Variants in DAB1 observed in about 807,000 individuals in gnomAD.
DAB1 encodes disabled homolog 1.
DAB1 carries 15 observed loss-of-function variants against 64.6 expected under a neutral mutation model. That is an observed-to-expected ratio of 0.23 (90% CI 0.16 to 0.36). DAB1 has a LOEUF of 0.36. DAB1 is among the 10% of genes least tolerant of loss of function. The pLI, the probability that DAB1 is intolerant of heterozygous loss-of-function variation, is 1.00. For synonymous variants in DAB1, 235 were observed against 251.9 expected (o/e 0.93, Z 0.64); for missense variants, 596 against 706.7 (o/e 0.84, Z 1.78).
At chr1:57,727,969 A>G (rs995439428) in intron 6 of DAB1, among the ~76,000 whole-genome samples, 1 of 152,080 alleles carries the variant, frequency 6.6e-6, no homozygotes, top group Non-Finnish European at 1.5e-5. Flanking sequence ...ATGTAGGAGG[A>G]AGAAAGTGGG....
At chr1:58,541,285 C>A (rs1237837642) in intron 1 of DAB1, among the ~76,000 whole-genome samples, 4 of 59,430 alleles carry the variant, frequency 6.7e-5, no homozygotes, top group African/African-American at 2.6e-4. Context: ...CAGAGTGAGA[C>A]TCTGTCTCAA....
intron 7 of DAB1, among the ~76,000 whole-genome samples, chr1:57,454,179 A>G (rs908801173): frequency 3.9e-5 from 6 of 152,040 alleles, no homozygotes; most frequent in African/African-American, 1.2e-4. Context: ...TTCTCATTTT[A>G]TACTCACAGA....
intron 4 of DAB1, among the ~76,000 whole-genome samples, chr1:58,306,999 C>T (rs1379410938): frequency 6.6e-6 from 1 of 152,218 alleles, no homozygotes; most frequent in African/African-American, 2.4e-5. Flanking sequence ...TTTCAAAGAA[C>T]TCCAATGACT....
intron 6 of DAB1, among the ~76,000 whole-genome samples, chr1:57,702,458 T>G (rs1646918016): frequency 1.3e-5 from 2 of 152,208 alleles, no homozygotes; most frequent in African/African-American, 4.8e-5. Flanking sequence ...TTTCTAGTCC[T>G]GCTCCAACTT....
chr1:57,095,178 G>T (rs1389241518), intron 4 of DAB1, among the ~76,000 whole-genome samples: 1 of 152,162 alleles, frequency 6.6e-6, no homozygotes, highest in Admixed American at 6.6e-5. Flanking sequence ...CACAGGACAG[G>T]ATTCCATCTG....
At chr1:57,382,122 A>C (rs1232610463) in intron 1 of DAB1, among the ~76,000 whole-genome samples, 1 of 152,052 alleles carries the variant, frequency 6.6e-6, no homozygotes, top group Non-Finnish European at 1.5e-5. Flanking sequence ...CAGTTGAGAG[A>C]CTCACCTTAT....
At chr1:57,251,016 G>A (rs1339317578) in intron 2 of DAB1, among the ~76,000 whole-genome samples, 2 of 152,206 alleles carry the variant, frequency 1.3e-5, no homozygotes, top group African/African-American at 4.8e-5. Flanking sequence ...GGAGGTGTAT[G>A]TGGGAAAGCA....
intron 1 of DAB1, among the ~76,000 whole-genome samples, chr1:58,543,335 G>A (rs577041873): frequency 6.6e-6 from 1 of 152,286 alleles, no homozygotes; most frequent in South Asian, 2.1e-4. Context: ...ACTTTGCAAA[G>A]CCAAATTTAC....
intron 1 of DAB1, among the ~76,000 whole-genome samples, chr1:57,322,881 C>T (rs1447962117): frequency 2.6e-5 from 4 of 152,152 alleles, no homozygotes; most frequent in Admixed American, 1.3e-4. Context: ...CCAAGTAAAT[C>T]AGAACCTCTG....
chr1:58,281,422 G>A (rs779440667), intron 4 of DAB1, among the ~76,000 whole-genome samples: 22 of 151,836 alleles, frequency 1.4e-4, no homozygotes, highest in African/African-American at 5.1e-4. Flanking sequence ...TAATACCTCC[G>A]ATCCACCTAT....
chr1:57,436,561 C>T (rs548279936), intron 7 of DAB1, among the ~76,000 whole-genome samples: 8 of 152,090 alleles, frequency 5.3e-5, no homozygotes, highest in Non-Finnish European at 7.4e-5. Flanking sequence ...ATGTTATACC[C>T]GTAATATAAA....
At chr1:57,817,753 C>T (rs955420128) in intron 6 of DAB1, among the ~76,000 whole-genome samples, 3 of 152,140 alleles carry the variant, frequency 2.0e-5, no homozygotes, top group Non-Finnish European at 2.9e-5. Context: ...TTCATTCATA[C>T]CCTCTCAGAG....
chr1:57,880,221 C>T (rs999205499), intron 1 of DAB1: 3 of 151,990 alleles, frequency 2.0e-5, no homozygotes, highest in Non-Finnish European at 2.9e-5. Flanking sequence ...TGCTCTGCTA[C>T]AAAGCTGGAG....
chr1:57,785,043 A>G (rs1451083173), intron 6 of DAB1, among the ~76,000 whole-genome samples: 1 of 152,172 alleles, frequency 6.6e-6, no homozygotes, highest in Non-Finnish European at 1.5e-5. Flanking sequence ...CTCATTTAGT[A>G]TTCTGAAAAT....
intron 5 of DAB1, among the ~76,000 whole-genome samples, chr1:57,974,544 G>A (rs576462575): frequency 4.6e-4 from 70 of 151,892 alleles, no homozygotes; most frequent in Non-Finnish European, 5.7e-4. Flanking sequence ...CCTAGGTGCC[G>A]TCTTAGACAT....
intron 5 of DAB1, among the ~76,000 whole-genome samples, chr1:58,024,524 A>G (rs1168288780): frequency 1.3e-5 from 2 of 152,200 alleles, no homozygotes; most frequent in African/African-American, 4.8e-5. Flanking sequence ...CAAACATTCT[A>G]TACACCCACT....
At chr1:57,799,151 T>A (rs1014034326) in intron 6 of DAB1, among the ~76,000 whole-genome samples, 2 of 152,174 alleles carry the variant, frequency 1.3e-5, no homozygotes, top group Non-Finnish European at 2.9e-5. Context: ...TTTTATCAAA[T>A]CTCTGTGAAG....
intron 6 of DAB1, among the ~76,000 whole-genome samples, chr1:57,775,014 C>T (rs898346535): frequency 6.6e-6 from 1 of 151,630 alleles, no homozygotes; most frequent in African/African-American, 2.4e-5. Context: ...CATTGCAAGA[C>T]ATTTTCCTAT....
intron 4 of DAB1, among the ~76,000 whole-genome samples, chr1:58,169,332 C>T (rs1382729474): frequency 1.3e-5 from 2 of 152,040 alleles, no homozygotes; most frequent in African/African-American, 4.8e-5. Context: ...TCAGCAGGGT[C>T]CAGGGACCAT....
Sources: gnomAD v4.1 joint callset for allele counts (sites outside exome capture counted in the v4.1 genomes callset) on GRCh38, gnomAD v4.1.1 for gene constraint, MANE v1.5 for transcripts, NCBI Gene and HGNC (gene_info 2026-07-23, HGNC 2026-07-21) for gene names.